TTLL12: variants seen among roughly 807,000 people sequenced by gnomAD.
TTLL12 encodes tubulin tyrosine ligase like 12.
In TTLL12, 77 loss-of-function variants were observed where a neutral mutation model predicts 79.6. That is an observed-to-expected ratio of 0.97 (90% CI 0.81 to 1.17). The LOEUF (loss-of-function observed/expected upper bound fraction) is 1.17. Among genes scored for constraint, TTLL12 ranks in the 50% most tolerant of loss-of-function variants. The probability of loss-of-function intolerance (pLI) is 0.00; values close to 1 mark genes in which losing one functional copy is unlikely to be tolerated. For missense variants in TTLL12, 969 were observed against 895.9 expected, an observed-to-expected ratio of 1.08 and a Z score of -1.04; for synonymous variants, 437 against 376.1, an observed-to-expected ratio of 1.16 and a Z score of -1.87.
chr22:43,187,126 G>A lies in TTLL12; in HGVS notation c.-57C>T, dbSNP rs1348925402. ...CCACCGCCGCCGCCGCCCGCCGTCC[G>A]TCGGCCCTGCCCTCCCGCCTCCGCC... is the stretch of plus-strand genomic sequence containing the variant. On this transcript the variant is annotated 5_prime_UTR_variant, in exon 1 of 14. The change creates a new upstream start codon in the 5' untranslated region. Transcript: ENST00000216129. The A allele has an allele frequency of 1.0e-6, 1 of 966,158 alleles. No homozygotes were observed. The highest frequency in any genetic ancestry group is 1.2e-6 in the Non-Finnish European group (1 of 813,300). 59.8% of individuals were successfully genotyped at this position (966,158 alleles called of 1,614,324 possible).
intron 13 of TTLL12, 42 bp from the exon 14 acceptor site, chr22:43,168,201 C>A: frequency 6.2e-7 from 1 of 1,601,604 alleles, no homozygotes; most frequent in Non-Finnish European, 8.5e-7. Flanking sequence ...GCTCGTTGGC[C>A]TCCACTCTGC....
chr22:43,177,775 C>T (rs1484558607), intron 5 of TTLL12, among the ~76,000 whole-genome samples: 2 of 152,190 alleles, frequency 1.3e-5, no homozygotes, highest in African/African-American at 4.8e-5. Flanking sequence ...GCCAGAGGCA[C>T]CCCGTTGAGC....
At chr22:43,177,018 G>A (rs760740468) in intron 5 of TTLL12, among the ~76,000 whole-genome samples, 5 of 152,172 alleles carry the variant, frequency 3.3e-5, no homozygotes, top group Admixed American at 6.5e-5. Flanking sequence ...GAGAGGAGCC[G>A]CTTTGTCCTA....
In TTLL12 at chr22:43,179,585, G is replaced by A. The variant is rs200848684; in HGVS notation, c.840+34C>T. The A allele has an allele frequency of 2.0e-6, 3 of 1,526,434 alleles. No homozygotes were observed. The African/African-American group carries it at 4.2e-5, about 21-fold the overall frequency. The allele number at this position is 1,526,434 out of a possible 1,614,324, so 94.6% of individuals were successfully genotyped here. ...CAGAGAACATTCTGGAAGCTACCAAGCAGACAGGCCTGGTGGGTGGAGGAG... is the reference window on the plus strand; with the variant it reads ...CAGAGAACATTCTGGAAGCTACCAAACAGACAGGCCTGGTGGGTGGAGGAG... On this transcript the variant is annotated intron_variant, in intron 5 of 13. Coordinates refer to ENST00000216129, the MANE Select transcript of TTLL12 (RefSeq NM_015140.4).
chr22:43,183,837 G>A (rs1315155370), intron 1 of TTLL12, among the ~76,000 whole-genome samples: 8 of 152,266 alleles, frequency 5.3e-5, no homozygotes, highest in Non-Finnish European at 1.2e-4. Context: ...GGCAAGGGGG[G>A]CTTCTGGGCA....
In TTLL12 at chr22:43,187,020, G is replaced by C; in HGVS notation, c.50C>G (p.Pro17Arg). 1 of 1,233,058 alleles carries C rather than the reference G, an allele frequency of 8.1e-7. No individual in the cohort carries two copies. Among genetic ancestry groups the C allele is most frequent in the Non-Finnish European group, 1.0e-6 (1 of 985,580 alleles). 76.4% of individuals were successfully genotyped at this position (1,233,058 alleles called of 1,614,324 possible). ...PERRPAERSS[P>R]GQTPEEGAQA... The stretch of plus-strand genomic sequence containing the variant: ...CGCGCCCTCCTCCGGCGTCTGGCCC[G>C]GGCTGCTACGCTCCGCAGGCCGGCG... The change falls in exon 1 of 14, where the codon CCG (proline) becomes CGG (arginine). Residue 17 changes from proline (P) to arginine (R), a missense_variant. Pro to Arg is a moderately radical substitution (Grantham distance 103, BLOSUM62 -2). Coordinates refer to ENST00000216129, the MANE Select transcript of TTLL12 (RefSeq NM_015140.4).
chr22:43,178,151 G>T (rs1030819354), intron 5 of TTLL12, among the ~76,000 whole-genome samples: 1 of 152,122 alleles, frequency 6.6e-6, no homozygotes, highest in African/African-American at 2.4e-5. Flanking sequence ...GGCTCTGGGA[G>T]GCTTGTAAGC....
At chr22:43,173,191 C>T (rs2147068588) in intron 9 of TTLL12, among the ~76,000 whole-genome samples, 1 of 152,296 alleles carries the variant, frequency 6.6e-6, no homozygotes, top group South Asian at 2.1e-4. Flanking sequence ...TGGATGTCCC[C>T]TCACTATGAA....
Position 43,172,627 on chromosome 22 carries a change from C to T in TTLL12, c.1342-73G>A, listed in dbSNP as rs1379122710. 2.8e-5 allele frequency: 44 copies of T among 1,563,608 alleles called. 1 individual carries two copies. Among genetic ancestry groups the T allele is most frequent in the Middle Eastern group, 1.7e-4 (1 of 5,946 alleles). On this transcript the variant is annotated intron_variant, in intron 9 of 13. Transcript: ENST00000216129. ...TGGGGCTCCCGAGCACACAAAGCCA[C>T]GCAGGGGGCACAGACATGGCTGCAC...
chr22:43,176,174 G>A (rs6003097), intron 6 of TTLL12, 146 bp downstream of exon 6: 1,146 of 646,422 alleles, frequency 1.8e-3, no homozygotes, highest in Non-Finnish European at 2.5e-3. Context: ...CTCCCTGCAC[G>A]TGTCACTGCT....
rs1386067046 is a variant in TTLL12 at position 43,179,923 on chromosome 22, G to A, written c.624C>T (p.Ser208=). The part of the protein sequence containing the change: ...GSRIQHADVP[S]FATAPFFYMP... Reference sequence around the variant, plus strand: ...TGTAGAAGAAGGGTGCCGTGGCGAAGCTGGGCACGTCCGCGTGCTGGATCC... The same window carrying A: ...TGTAGAAGAAGGGTGCCGTGGCGAAACTGGGCACGTCCGCGTGCTGGATCC... The change falls in exon 4 of 14, where the codon AGC becomes AGT. Residue 208 remains serine (S), a synonymous_variant. Transcript: ENST00000216129. 1.2e-6 allele frequency: 2 copies of A among 1,611,082 alleles called. No individual in the cohort carries two copies. The highest frequency in any genetic ancestry group is 2.2e-5 in the South Asian group (2 of 91,056).
At chr22:43,171,257 T>A (rs1488939152) in intron 11 of TTLL12, among the ~76,000 whole-genome samples, 1 of 152,242 alleles carries the variant, frequency 6.6e-6, no homozygotes, top group African/African-American at 2.4e-5. Flanking sequence ...TGGCCAGCTC[T>A]GGTTTCTCGC....
chr22:43,167,886 C>G lies in TTLL12; in HGVS notation c.*122G>C. The G allele has an allele frequency of 7.7e-7, 1 of 1,300,100 alleles. No individual in the cohort carries two copies. The highest frequency in any genetic ancestry group is 1.4e-5 in the South Asian group (1 of 72,586). 80.5% of individuals were successfully genotyped at this position (1,300,100 alleles called of 1,614,324 possible). A position where few individuals can be genotyped will look rare whatever the true frequency, so the allele number is the denominator to read the frequency against. On this transcript the variant is annotated 3_prime_UTR_variant, in exon 14 of 14. Coordinates refer to ENST00000216129, the MANE Select transcript of TTLL12 (RefSeq NM_015140.4). Reference sequence around the variant, plus strand: ...GGAGGATGGCTCGGCAGGACAGAGGCCTGGGGCTGAGGCTATGCCCAGGGC... The same window carrying G: ...GGAGGATGGCTCGGCAGGACAGAGGGCTGGGGCTGAGGCTATGCCCAGGGC...
rs4822261 is a variant in TTLL12, at chr22:43,179,610, G to C, written c.840+9C>G. The C allele has an allele frequency of 6.4e-7, 1 of 1,568,104 alleles. No individual in the cohort carries two copies. Among genetic ancestry groups the C allele is most frequent in the Non-Finnish European group, 8.6e-7 (1 of 1,158,904 alleles). Reference sequence around the variant, plus strand: ...GCAGACAGGCCTGGTGGGTGGAGGAGGGCTGCACCTGGTAGTGCTCGGCGG... The same window carrying C: ...GCAGACAGGCCTGGTGGGTGGAGGACGGCTGCACCTGGTAGTGCTCGGCGG... On this transcript the variant is annotated intron_variant, in intron 5 of 13. Coordinates refer to ENST00000216129, the MANE Select transcript of TTLL12 (RefSeq NM_015140.4).
At chr22:43,178,363 T>C (rs1462508851) in intron 5 of TTLL12, among the ~76,000 whole-genome samples, 16 of 149,810 alleles carry the variant, frequency 1.1e-4, no homozygotes, top group Admixed American at 1.3e-4. Flanking sequence ...GCTCTGTTTC[T>C]CAGGCTGGAG....
intron 8 of TTLL12, 121 bp from the exon 9 acceptor site, chr22:43,173,947 G>C: frequency 1.0e-6 from 1 of 998,896 alleles, no homozygotes; most frequent in Non-Finnish European, 1.5e-6. Flanking sequence ...GGGGGCACCA[G>C]AGAGCTGTCA....
chr22:43,176,429 G>C, intron 5 of TTLL12, 33 bp from the exon 6 acceptor site: 46 of 1,562,418 alleles, frequency 2.9e-5, no homozygotes, highest in Non-Finnish European at 3.8e-5. Context: ...TAGAGATGAG[G>C]TCAAGGAAGG....
At position 43,167,742 on chromosome 22, in the gene TTLL12, G is replaced by C. The variant is rs775768398; in HGVS notation, c.*266C>G. ...TAAACTGGAGACTCATCAGTGCACA[G>C]ATGGTGGTGAGGGGTGAGGGCAGGG... On this transcript the variant is annotated 3_prime_UTR_variant, in exon 14 of 14. Coordinates refer to ENST00000216129, the MANE Select transcript of TTLL12 (RefSeq NM_015140.4). The C allele has an allele frequency of 1.5e-5, 6 of 396,556 alleles. No homozygotes were observed. The highest frequency in any genetic ancestry group is 2.8e-5 in the Non-Finnish European group (6 of 216,608). The allele number at this position is 396,556 out of a possible 1,614,324, so 24.6% of individuals were successfully genotyped here. A position where few individuals can be genotyped will look rare whatever the true frequency, so the allele number is the denominator to read the frequency against.
chr22:43,171,855 C>T lies in TTLL12; in HGVS notation c.1539G>A (p.Thr513=), dbSNP rs17003543. ...CCACATCCGGGTCATAGTTCATGAC[C>T]GTGAAGTGCTTCTCGTAGTCATCCA... The part of the protein sequence containing the change: ...NDLDDYEKHF[T]VMNYDPDVVL... The change falls in exon 11 of 14, where the codon ACG becomes ACA. Residue 513 remains threonine, a synonymous_variant. Transcript: ENST00000216129. The T allele has an allele frequency of 1.1e-3, 1,751 of 1,614,158 alleles. 19 individuals are homozygous for T. The African/African-American group carries it at 0.02, about 19-fold the overall frequency.
Sources: allele counts gnomAD v4.1 joint callset (sites outside exome capture counted in the v4.1 genomes callset), GRCh38; gene constraint gnomAD v4.1.1; transcripts MANE v1.5; gene names NCBI Gene and HGNC (gene_info 2026-07-23, HGNC 2026-07-21).